ALDH18A1: variants seen among roughly 807,000 people sequenced by gnomAD.
The protein encoded by ALDH18A1 is aldehyde dehydrogenase 18 family member A1.
In ALDH18A1, 44 loss-of-function variants were observed where a neutral mutation model predicts 88.8. The observed-to-expected ratio is 0.50, with a 90% CI of 0.39 to 0.64. The LOEUF is 0.64. Ranked by LOEUF, ALDH18A1 falls within the 30% of genes least tolerant of loss-of-function variation. The probability of loss-of-function intolerance (pLI) is 0.00; values close to 1 mark genes in which losing one functional copy is unlikely to be tolerated. For synonymous variants in ALDH18A1, 331 were observed against 372.1 expected, an observed-to-expected ratio of 0.89 and a Z score of 1.27; for missense variants, 782 against 1,009.5, an observed-to-expected ratio of 0.77 and a Z score of 3.05.
rs530271236 is a variant in ALDH18A1 at position 95,632,631 on chromosome 10, T to G, written c.808+328A>C. 7.3e-4 allele frequency among the ~76,000 whole-genome samples: 111 copies of G among 152,348 alleles called. 1 individual carries two copies. Among genetic ancestry groups the G allele is most frequent in the African/African-American group, 2.6e-3 (107 of 41,578 alleles). On this transcript the variant is annotated intron_variant, in intron 7 of 17. Transcript: ENST00000371224. ...CTCCCGCTTTGGCCTCCCAAAGTGTTGGGATTATAGGTGTGAGCCACCACG... is the reference window on the plus strand; with the variant it reads ...CTCCCGCTTTGGCCTCCCAAAGTGTGGGGATTATAGGTGTGAGCCACCACG...
At chr10:95,611,550 C>T in intron 15 of ALDH18A1, 108 bp from the exon 16 acceptor site, 1 of 1,316,264 alleles carries the variant, frequency 7.6e-7, no homozygotes, top group South Asian at 1.2e-5. Flanking sequence ...AAAGTGGCTC[C>T]TGTAGCCTCA....
At chr10:95,628,600 T>C (rs1292746966) in intron 7 of ALDH18A1, 108 bp from the exon 8 acceptor site, 1 of 1,360,648 alleles carries the variant, frequency 7.3e-7, no homozygotes, top group Non-Finnish European at 1.0e-6. Context: ...TCCAAATGAA[T>C]TCCACTGCAC....
intron 5 of ALDH18A1, among the ~76,000 whole-genome samples, chr10:95,634,096 TA>T (rs1159971608): frequency 1.3e-5 from 2 of 151,864 alleles, no homozygotes; most frequent in African/African-American, 4.8e-5. Flanking sequence ...TTTGTAGAGA[TA>T]AAAAAAATTA....
chr10:95,640,119 A>G (rs2097888645), intron 3 of ALDH18A1, among the ~76,000 whole-genome samples: 1 of 152,164 alleles, frequency 6.6e-6, no homozygotes. Context: ...AATCTGGAAT[A>G]ATTCCAAAAG....
At chr10:95,624,220 G>A (rs1248035675) in intron 11 of ALDH18A1, among the ~76,000 whole-genome samples, 1 of 152,186 alleles carries the variant, frequency 6.6e-6, no homozygotes, top group Non-Finnish European at 1.5e-5. Flanking sequence ...GTATACCCAC[G>A]GCTTTGTTCT....
At chr10:95,655,305 G>A (rs2097916232) in intron 1 of ALDH18A1, among the ~76,000 whole-genome samples, 1 of 152,150 alleles carries the variant, frequency 6.6e-6, no homozygotes. Flanking sequence ...AATTAAAAGA[G>A]AGAATGCGTG....
chr10:95,635,826 C>A (rs145108914), intron 5 of ALDH18A1, among the ~76,000 whole-genome samples: 7 of 152,162 alleles, frequency 4.6e-5, no homozygotes, highest in African/African-American at 1.7e-4. Context: ...AAGGTTTCAT[C>A]CCTGGGAAAA....
At position 95,635,971 on chromosome 10, in the gene ALDH18A1, T is replaced by C. The variant is rs139039266; in HGVS notation, c.558+1122A>G. On this transcript the variant is annotated intron_variant, in intron 5 of 17. Transcript: ENST00000371224. ...AAATAATAAAGAAGAGTGATATAAA[T>C]AGAGATTTATACTGTATTTATACTA... Among the ~76,000 whole-genome samples the C allele has an allele frequency of 9.1e-4, 139 of 152,160 alleles. No homozygotes were observed. The East Asian group carries it at 0.023, about 25-fold the overall frequency.
intron 15 of ALDH18A1, 69 bp downstream of exon 15, chr10:95,613,673 G>A: frequency 6.9e-7 from 1 of 1,451,212 alleles, no homozygotes; most frequent in South Asian, 1.1e-5. Flanking sequence ...ATATGGTATG[G>A]CTGTGCCTGG....
chr10:95,637,919 C>T (rs1218166157), intron 3 of ALDH18A1, among the ~76,000 whole-genome samples: 1 of 151,974 alleles, frequency 6.6e-6, no homozygotes, highest in Non-Finnish European at 1.5e-5. Context: ...CATGATCGCA[C>T]CACCACACTC....
intron 5 of ALDH18A1, among the ~76,000 whole-genome samples, chr10:95,635,397 A>C (rs2097878758): frequency 6.6e-6 from 1 of 152,188 alleles, no homozygotes; most frequent in South Asian, 2.1e-4. Context: ...TGAAGGTAGG[A>C]GATAAAGAGT....
chr10:95,614,207 C>T (rs769532619), intron 13 of ALDH18A1, 46 bp from the exon 14 acceptor site: 6 of 1,592,580 alleles, frequency 3.8e-6, no homozygotes, highest in East Asian at 2.2e-5. Context: ...TCTGACCACA[C>T]AAAATATAAA....
chr10:95,652,445 C>A (rs1337698675), intron 2 of ALDH18A1, among the ~76,000 whole-genome samples: 2 of 152,196 alleles, frequency 1.3e-5, no homozygotes, highest in African/African-American at 4.8e-5. Context: ...ACAAAAATAG[C>A]ATGGGGCCGG....
chr10:95,635,067 C>T (rs80016256), intron 5 of ALDH18A1, among the ~76,000 whole-genome samples: 120 of 152,128 alleles, frequency 7.9e-4, no homozygotes, highest in Non-Finnish European at 1.4e-3. Context: ...TTCACTCACT[C>T]GATAAAAAAT....
At position 95,656,663 on chromosome 10, in the gene ALDH18A1, T is replaced by G. The variant is rs985271805; in HGVS notation, c.-95A>C. 3.3e-5 allele frequency: 5 copies of G among 152,618 alleles called. No individual in the cohort carries two copies. Among genetic ancestry groups the G allele is most frequent in the African/African-American group, 1.2e-4 (5 of 41,478 alleles). 9.5% of individuals were successfully genotyped at this position (152,618 alleles called of 1,614,324 possible). A position where few individuals can be genotyped will look rare whatever the true frequency, so the allele number is the denominator to read the frequency against. ...GGTCCGCACTCCACGCCGGGCTGAT[T>G]CCGGCGCTCGCTCACTCTCTTTTTT... On this transcript the variant is annotated 5_prime_UTR_variant, in exon 1 of 18. Transcript: ENST00000371224.
At chr10:95,650,099 T>G (rs1219420630) in intron 2 of ALDH18A1, among the ~76,000 whole-genome samples, 1 of 151,774 alleles carries the variant, frequency 6.6e-6, no homozygotes, top group South Asian at 2.1e-4. Flanking sequence ...TGGATTTAAG[T>G]ATAAAATATA....
chr10:95,624,469 A>G lies in ALDH18A1; in HGVS notation c.1246+893T>C, dbSNP rs1426994189. ...TAAATTCTAGAGGAAGTTCTAAAAC[A>G]ATGGTTCAAAAATGTTTTAAGGAAT... On this transcript the variant is annotated intron_variant, in intron 11 of 17. Coordinates refer to ENST00000371224, the MANE Select transcript of ALDH18A1 (RefSeq NM_002860.4). 3.9e-5 allele frequency among the ~76,000 whole-genome samples: 6 copies of G among 152,264 alleles called. No homozygotes were observed. The East Asian group carries it at 1.2e-3, about 29-fold the overall frequency.
intron 16 of ALDH18A1, 75 bp from the exon 17 acceptor site, chr10:95,610,367 G>A (rs1392071558): frequency 1.4e-6 from 2 of 1,443,994 alleles, no homozygotes; most frequent in Admixed American, 1.7e-5. Context: ...ATTGACTGGT[G>A]ACAGATCAGG....
chr10:95,619,324 G>A (rs2097848590), intron 12 of ALDH18A1, among the ~76,000 whole-genome samples: 1 of 152,264 alleles, frequency 6.6e-6, no homozygotes, highest in East Asian at 1.9e-4. Flanking sequence ...CCATGCTCAT[G>A]GATAGGAAGA....
Sources: allele counts gnomAD v4.1 joint callset (sites outside exome capture counted in the v4.1 genomes callset), GRCh38; gene constraint gnomAD v4.1.1; transcripts MANE v1.5; gene names NCBI Gene and HGNC (gene_info 2026-07-23, HGNC 2026-07-21).